Variants in RAD21L1 observed in about 807,000 individuals in gnomAD.
RAD21L1 encodes the protein RAD21 cohesin complex component like 1, also known as double-strand-break repair protein rad21-like protein 1.
Under a neutral mutation model 69.0 loss-of-function variants are expected in RAD21L1, and 47 were observed. That is an observed-to-expected ratio of 0.68 (90% CI 0.54 to 0.87). The LOEUF (loss-of-function observed/expected upper bound fraction) is 0.87. Among genes scored for constraint, RAD21L1 ranks in the 40% least tolerant of loss-of-function variants. The probability of loss-of-function intolerance (pLI) is 0.00; values close to 1 mark genes in which losing one functional copy is unlikely to be tolerated. For missense variants in RAD21L1, 583 were observed against 647.6 expected, an observed-to-expected ratio of 0.90 and a Z score of 1.08; for synonymous variants, 177 against 205.8, an observed-to-expected ratio of 0.86 and a Z score of 1.20.
At chr20:1,234,539 A>G (rs2087456951) in intron 5 of RAD21L1, among the ~76,000 whole-genome samples, 1 of 152,230 alleles carries the variant, frequency 6.6e-6, no homozygotes, top group Non-Finnish European at 1.5e-5. Context: ...GTCAACATAC[A>G]TACAAGATTT....
chr20:1,231,416 A>C, intron 3 of RAD21L1, 110 bp from the exon 4 acceptor site: 2 of 662,650 alleles, frequency 3.0e-6, no homozygotes, highest in Non-Finnish European at 2.7e-6. Context: ...AGATAGAGGA[A>C]AACTAGTTAG....
intron 4 of RAD21L1, among the ~76,000 whole-genome samples, chr20:1,232,536 C>T (rs757870531): frequency 2.0e-5 from 3 of 152,152 alleles, no homozygotes; most frequent in East Asian, 1.9e-4. Context: ...ATCTGGAAAG[C>T]GAAGCCAGGA....
intron 8 of RAD21L1, among the ~76,000 whole-genome samples, chr20:1,242,075 A>G (rs1423140539): frequency 6.6e-6 from 1 of 152,168 alleles, no homozygotes. Context: ...CCTCTTCCCC[A>G]CCTTTCCTCA....
chr20:1,244,225 A>G (rs1303706604), intron 11 of RAD21L1, 55 bp downstream of exon 11: 4 of 1,225,208 alleles, frequency 3.3e-6, no homozygotes, highest in African/African-American at 1.5e-5. Context: ...GATACAGTAA[A>G]GGAATGTTGG....
At chr20:1,229,747 G>T (rs2087351593) in intron 2 of RAD21L1, 133 bp from the exon 3 acceptor site, 4 of 634,774 alleles carry the variant, frequency 6.3e-6, no homozygotes, top group Non-Finnish European at 1.0e-5. Context: ...GGTAAAAAGT[G>T]ATATACTTTA....
rs144302762 is a variant in RAD21L1, at chr20:1,235,836, C to T, written c.475+1645C>T. Among the ~76,000 whole-genome samples the T allele has an allele frequency of 7.3e-3, 1,108 of 151,940 alleles. 16 individuals are homozygous for T. The highest frequency in any genetic ancestry group is 0.026 in the African/African-American group (1,062 of 41,412). On this transcript the variant is annotated intron_variant, in intron 5 of 13. Transcript: ENST00000683101. ...AGGCTGCAGTGCAGTGGCACGATCT[C>T]GGCTCACTGCAACCTCTGCCTCTCA...
chr20:1,233,179 G>T (rs1307814594), intron 4 of RAD21L1, among the ~76,000 whole-genome samples: 6 of 152,162 alleles, frequency 3.9e-5, no homozygotes, highest in Non-Finnish European at 8.8e-5. Context: ...AAGGGAGTAG[G>T]TAAGTAGTTG....
chr20:1,242,422 G>A (rs188519908), intron 8 of RAD21L1, among the ~76,000 whole-genome samples, 197 bp from the exon 9 acceptor site: 175 of 152,160 alleles, frequency 1.2e-3, no homozygotes, highest in Middle Eastern at 6.8e-3. Flanking sequence ...TTGTAGAGAC[G>A]GGGTTTAGCC....
At chr20:1,244,013 G>T in intron 10 of RAD21L1, 33 bp from the exon 11 acceptor site, 2 of 1,531,450 alleles carry the variant, frequency 1.3e-6, no homozygotes, top group Non-Finnish European at 1.8e-6. Context: ...AAGATATTTT[G>T]GTGAAATTGT....
chr20:1,232,232 T>C (rs750895463), intron 4 of RAD21L1, among the ~76,000 whole-genome samples: 2 of 152,096 alleles, frequency 1.3e-5, no homozygotes, highest in Admixed American at 6.6e-5. Flanking sequence ...GGCTGAGTGG[T>C]AGGAGATGAG....
At chr20:1,227,453 A>G (rs2087289304) in intron 1 of RAD21L1, among the ~76,000 whole-genome samples, 1 of 152,194 alleles carries the variant, frequency 6.6e-6, no homozygotes, top group African/African-American at 2.4e-5. Context: ...CACTGATGGA[A>G]GTTTACCTAA....
chr20:1,235,746 T>C (rs1472654210), intron 5 of RAD21L1, among the ~76,000 whole-genome samples: 1 of 151,646 alleles, frequency 6.6e-6, no homozygotes, highest in Non-Finnish European at 1.5e-5. Flanking sequence ...CTACTATTCT[T>C]ATTTGGGCTT....
rs1292170366 is a variant in RAD21L1, at chr20:1,246,487, A to AT, written c.1401+189dup. On this transcript the variant is annotated intron_variant, in intron 12 of 13. Transcript: ENST00000683101. This position sits in a 1 kb window ranked among gnomAD's most constrained non-coding sequence, Gnocchi z 4.6. ...TGATAAAATATTCTGAATTGCTCTG[A>AT]TTTTTTTGTCTTTCTTTAATTTCTT... Among the ~76,000 whole-genome samples the AT allele has an allele frequency of 6.6e-6, 1 of 152,046 alleles. No homozygotes were observed. Among genetic ancestry groups the AT allele is most frequent in the African/African-American group, 2.4e-5 (1 of 41,412 alleles).
In RAD21L1 at chr20:1,255,068, A is replaced by G. The variant is rs1043751792; in HGVS notation, c.*611A>G. Among the ~76,000 whole-genome samples, 1 of 152,226 alleles carries G rather than the reference A, an allele frequency of 6.6e-6. No individual in the cohort carries two copies. The highest frequency in any genetic ancestry group is 2.4e-5 in the African/African-American group (1 of 41,464). ...CAACGTATATCATACTTGATTTGAC[A>G]TAATGCCATGGTTTTTAATCCAATA... On this transcript the variant is annotated 3_prime_UTR_variant, in exon 14 of 14. Coordinates refer to ENST00000683101, the MANE Select transcript of RAD21L1 (RefSeq NM_001384355.1).
At chr20:1,251,307 C>T (rs2087825918) in intron 13 of RAD21L1, among the ~76,000 whole-genome samples, 1 of 149,730 alleles carries the variant, frequency 6.7e-6, no homozygotes, top group Non-Finnish European at 1.5e-5. Context: ...TCTCTGGAAG[C>T]TTTTGATCTA....
At chr20:1,234,545 G>GATTTTATAT (rs576710400) in intron 5 of RAD21L1, among the ~76,000 whole-genome samples, 1 of 152,104 alleles carries the variant, frequency 6.6e-6, no homozygotes, top group Non-Finnish European at 1.5e-5. Flanking sequence ...ATACATACAA[G>GATTTTATAT]ATTTTATATG....
At chr20:1,238,643 C>A (rs1200614022) in intron 6 of RAD21L1, among the ~76,000 whole-genome samples, 5 of 151,968 alleles carry the variant, frequency 3.3e-5, no homozygotes. Context: ...CTTGGGTCCC[C>A]ATGACTTACT....
At chr20:1,229,269 C>G (rs1245871356) in intron 2 of RAD21L1, among the ~76,000 whole-genome samples, 1 of 152,146 alleles carries the variant, frequency 6.6e-6, no homozygotes, top group African/African-American at 2.4e-5. Flanking sequence ...TAATATGTTA[C>G]TTTGGGCATC....
intron 1 of RAD21L1, among the ~76,000 whole-genome samples, chr20:1,227,340 A>G (rs986405726): frequency 2.0e-5 from 3 of 152,282 alleles, no homozygotes; most frequent in African/African-American, 4.8e-5. Context: ...GGTACAAGCC[A>G]TATGCATTAA....
Sources: allele counts gnomAD v4.1 joint callset (sites outside exome capture counted in the v4.1 genomes callset), GRCh38; gene constraint gnomAD v4.1.1; non-coding constraint Gnocchi (gnomAD v3.1); transcripts MANE v1.5; gene names NCBI Gene and HGNC (gene_info 2026-07-23, HGNC 2026-07-21).